SP100: variants seen among roughly 807,000 people sequenced by gnomAD.
The protein encoded by SP100 is SP100 nuclear body protein, also known as nuclear autoantigen Sp-100.
A neutral mutation model predicts 130.0 loss-of-function variants in SP100; 84 were observed. That is an observed-to-expected ratio of 0.65 (90% CI 0.54 to 0.77). The LOEUF (loss-of-function observed/expected upper bound fraction) is 0.77. Among genes scored for constraint, SP100 ranks in the 30% least tolerant of loss-of-function variants. The probability of loss-of-function intolerance (pLI) is 0.00; values close to 1 mark genes in which losing one functional copy is unlikely to be tolerated. For missense variants in SP100, 978 were observed against 1,052.2 expected (o/e 0.93, Z 0.97); for synonymous variants, 331 against 351.7 (o/e 0.94, Z 0.66).
chr2:230,427,875 A>G (rs542966410), intron 2 of SP100, among the ~76,000 whole-genome samples: 17 of 152,328 alleles, frequency 1.1e-4, no homozygotes, highest in African/African-American at 3.6e-4. Flanking sequence ...CAATTTACAT[A>G]CTTTTTATAT....
chr2:230,525,664 G>C (rs142085667), intron 24 of SP100, among the ~76,000 whole-genome samples: 104 of 152,254 alleles, frequency 6.8e-4, no homozygotes, highest in African/African-American at 2.1e-3. Context: ...CTAGACAAGG[G>C]AGTATACTAG....
chr2:230,470,001 AT>A lies in SP100; in HGVS notation c.1346-7del. ...CAGACTAAGACTGTTAAGGAATTTT[AT>A]TTTTTTCTGCAGGTTTCAGCAGTAG... On this transcript the variant is annotated splice_polypyrimidine_tract_variant and intron_variant, in intron 14 of 28. Transcript: ENST00000340126. The A allele has an allele frequency of 1.2e-6, 2 of 1,608,144 alleles. No individual in the cohort carries two copies. Among genetic ancestry groups the A allele is most frequent in the South Asian group, 1.1e-5 (1 of 90,138 alleles).
Position 230,449,663 on chromosome 2 carries a change from G to A in SP100, c.689G>A (p.Gly230Glu), listed in dbSNP as rs756331948. 6 of 1,614,002 alleles carry A rather than the reference G, an allele frequency of 3.7e-6. No homozygotes were observed. In the Admixed American group the frequency reaches 8.3e-5, roughly 22 times the overall value. Reference protein sequence around the residue: ...DTTSDKDDSLGSQQTNEQCAQ... With the variant: ...DTTSDKDDSLESQQTNEQCAQ... ...ACCAGTGACAAAGATGATTCGCTAGGAAGCCAACAAACAAATGAACAATGT... is the reference window on the plus strand; with the variant it reads ...ACCAGTGACAAAGATGATTCGCTAGAAAGCCAACAAACAAATGAACAATGT... Residue 230 changes from glycine to glutamate, a missense_variant, in exon 7 of 29, where the codon GGA becomes GAA. Coordinates refer to ENST00000340126, the MANE Select transcript of SP100 (RefSeq NM_001080391.2).
chr2:230,533,177 A>T (rs1021923822), intron 24 of SP100, among the ~76,000 whole-genome samples: 1 of 152,108 alleles, frequency 6.6e-6, no homozygotes, highest in Admixed American at 6.6e-5. Context: ...ATGAAAGGAG[A>T]TTATTTATCC....
At chr2:230,532,365 A>G (rs1691738722) in intron 24 of SP100, among the ~76,000 whole-genome samples, 1 of 152,192 alleles carries the variant, frequency 6.6e-6, no homozygotes, top group South Asian at 2.1e-4. Context: ...AGTTAGTTTC[A>G]GATCTTTTCC....
intron 17 of SP100, among the ~76,000 whole-genome samples, chr2:230,491,989 C>T (rs2066416203): frequency 6.6e-6 from 1 of 152,040 alleles, no homozygotes; most frequent in Non-Finnish European, 1.5e-5. Flanking sequence ...AGAAGGTTTG[C>T]TTTTTTGTTC....
At chr2:230,525,234 A>G (rs1691366213) in intron 24 of SP100, among the ~76,000 whole-genome samples, 1 of 152,210 alleles carries the variant, frequency 6.6e-6, no homozygotes, top group African/African-American at 2.4e-5. Context: ...TGTGTAAGCC[A>G]TAGGTAATTT....
intron 24 of SP100, chr2:230,515,582 A>T: frequency 6.2e-7 from 1 of 1,601,796 alleles, no homozygotes; most frequent in Admixed American, 1.7e-5. Context: ...AAGAAGGAAG[A>T]GGAAGAAGAT....
chr2:230,512,947 C>T (rs1575786471), intron 24 of SP100, among the ~76,000 whole-genome samples: 1 of 152,042 alleles, frequency 6.6e-6, no homozygotes, highest in Non-Finnish European at 1.5e-5. Flanking sequence ...GAATTTACAA[C>T]AGGGTTTGTG....
At chr2:230,450,843 T>G (rs146268523) in intron 8 of SP100, among the ~76,000 whole-genome samples, 78 of 152,332 alleles carry the variant, frequency 5.1e-4, no homozygotes, top group Non-Finnish European at 9.4e-4. Flanking sequence ...AGTGTGTAGA[T>G]GTATTTCATT....
intron 4 of SP100, 148 bp from the exon 5 acceptor site, chr2:230,446,671 C>T (rs780551900): frequency 3.4e-6 from 2 of 579,938 alleles, no homozygotes; most frequent in Non-Finnish European, 6.2e-6. Context: ...TTCTCTGTCC[C>T]AGGGGATGAC....
At chr2:230,501,872 ATTTG>A (rs1350090243) in intron 19 of SP100, among the ~76,000 whole-genome samples, 1 of 151,844 alleles carries the variant, frequency 6.6e-6, no homozygotes, top group African/African-American at 2.4e-5. Context: ...TGCTTCCAAG[ATTTG>A]TTTCTTTTTT....
intron 25 of SP100, among the ~76,000 whole-genome samples, chr2:230,540,656 C>T (rs1692136153): frequency 6.6e-6 from 1 of 152,162 alleles, no homozygotes; most frequent in Non-Finnish European, 1.5e-5. Context: ...TCATGGGGCA[C>T]TTCAGCCAAC....
chr2:230,491,411 G>A (rs2066384041), intron 17 of SP100, among the ~76,000 whole-genome samples: 1 of 152,236 alleles, frequency 6.6e-6, no homozygotes, highest in Non-Finnish European at 1.5e-5. Context: ...GAGGAAGGAT[G>A]AGTCAGGGTC....
At chr2:230,449,855 A>C (rs1368041076) in intron 7 of SP100, 145 bp downstream of exon 7, 6 of 863,918 alleles carry the variant, frequency 6.9e-6, no homozygotes, top group Non-Finnish European at 1.8e-6. Flanking sequence ...CCTGTTATAC[A>C]GATGAGCCTG....
intron 24 of SP100, among the ~76,000 whole-genome samples, chr2:230,534,299 G>A (rs144624733): frequency 0.03 from 4,531 of 152,218 alleles, 91 homozygotes; most frequent in Middle Eastern, 0.078. Flanking sequence ...CCAGCTACTC[G>A]GGAGGCTGAG....
rs571577080 is a variant in SP100 at position 230,461,284 on chromosome 2, C to G, written c.843C>G (p.Asn281Lys). ...TAGGCCCAGAGGCAGAGCTACACAACCATGGAATCCAAATTAATTCCTGTT... is the reference window on the plus strand; with the variant it reads ...TAGGCCCAGAGGCAGAGCTACACAAGCATGGAATCCAAATTAATTCCTGTT... ...DEESPEAELH[N>K]HGIQINSCSV... The change falls in exon 9 of 29, where the codon AAC (asparagine) becomes AAG (lysine). Residue 281 changes from asparagine (N) to lysine (K), a missense_variant. Coordinates refer to ENST00000340126, the MANE Select transcript of SP100 (RefSeq NM_001080391.2). 1.9e-6 allele frequency: 3 copies of G among 1,613,936 alleles called. No individual in the cohort carries two copies. Among genetic ancestry groups the G allele is most frequent in the African/African-American group, 1.3e-5 (1 of 74,974 alleles).
In SP100 at chr2:230,508,012, C is replaced by G; in HGVS notation, c.2033C>G (p.Pro678Arg). The G allele has an allele frequency of 1.2e-6, 2 of 1,613,226 alleles. No homozygotes were observed. Among genetic ancestry groups the G allele is most frequent in the Non-Finnish European group, 1.7e-6 (2 of 1,179,620 alleles). Residue 678 changes from proline to arginine, a missense_variant, in exon 23 of 29, where the codon CCA becomes CGA. Pro to Arg is a moderately radical substitution (Grantham distance 103, BLOSUM62 -2). Coordinates refer to ENST00000340126, the MANE Select transcript of SP100 (RefSeq NM_001080391.2). ...VLMENKFLPE[P>R]PSTRKKRILE... ...TTTTAGAACAAATTTCTGCCAGAAC[C>G]ACCAAGCACAAGAAAAAAGGTGATG...
chr2:230,472,848 G>A (rs1409913666), intron 15 of SP100, among the ~76,000 whole-genome samples: 2 of 152,084 alleles, frequency 1.3e-5, no homozygotes, highest in African/African-American at 4.8e-5. Context: ...CCTCACCCAG[G>A]CATTTCATCC....
Sources: gnomAD v4.1 joint callset for allele counts (sites outside exome capture counted in the v4.1 genomes callset) on GRCh38, gnomAD v4.1.1 for gene constraint, MANE v1.5 for transcripts, NCBI Gene and HGNC (gene_info 2026-07-23, HGNC 2026-07-21) for gene names.